ZC2HC1B: variants seen among roughly 807,000 people sequenced by gnomAD.
ZC2HC1B encodes zinc finger C2HC-type containing 1B.
In ZC2HC1B, 36 loss-of-function variants were observed where a neutral mutation model predicts 31.0. The ratio of observed to expected loss-of-function variants is 1.16; its 90% CI spans 0.89 to 1.54. ZC2HC1B has a LOEUF of 1.54. ZC2HC1B is among the 40% of genes most tolerant of loss of function. The pLI is 0.00. For missense variants in ZC2HC1B, 260 were observed against 268.6 expected, an observed-to-expected ratio of 0.97 and a Z score of 0.22; for synonymous variants, 73 against 88.0, an observed-to-expected ratio of 0.83 and a Z score of 0.95.
At chr6:143,925,536 C>CTTTTT (rs36007959) in intron 6 of ZC2HC1B, among the ~76,000 whole-genome samples, 29 of 104,904 alleles carry the variant, frequency 2.8e-4, no homozygotes, top group Non-Finnish European at 4.1e-4. Flanking sequence ...CTTTTCTTTT[C>CTTTTT]TTTTTTTTTT....
chr6:143,916,596 C>A (rs1777919287), intron 6 of ZC2HC1B, among the ~76,000 whole-genome samples: 1 of 152,232 alleles, frequency 6.6e-6, no homozygotes, highest in Non-Finnish European at 1.5e-5. Context: ...TCCTACAAAG[C>A]CCCAGGGGTG....
At position 143,886,031 on chromosome 6, in the gene ZC2HC1B, GGAAAGGCATGGACCAATATGTAA is replaced by G. The variant is rs1183698444; in HGVS notation, c.95_117del (p.Arg32ThrfsTer7). ...TCCAATCCCTACTCTTCGTTTTCTA[GGAAAGGCATGGACCAATATGTAA>G]GAAACTCTTCAACAGAAAGCGTAAA... On this transcript the variant is annotated frameshift_variant and splice_region_variant, in exon 3 of 8. Transcript: ENST00000237275. LOFTEE classifies it high-confidence loss of function. The surrounding 1 kb of genome is among the most constrained non-coding windows in gnomAD (Gnocchi z 4.2). The G allele has an allele frequency of 2.6e-6, 4 of 1,515,830 alleles. No homozygotes were observed. The East Asian group carries it at 1.0e-4, about 38-fold the overall frequency. The allele number at this position is 1,515,830 out of a possible 1,614,324, so 93.9% of individuals were successfully genotyped here.
At chr6:143,920,576 T>C (rs1009043295) in intron 6 of ZC2HC1B, among the ~76,000 whole-genome samples, 32 of 152,174 alleles carry the variant, frequency 2.1e-4, no homozygotes, top group African/African-American at 7.7e-4. Flanking sequence ...TGAGGATTTA[T>C]AAGTACTGTG....
At position 143,899,045 on chromosome 6, in the gene ZC2HC1B, G is replaced by A. The variant is rs776648697; in HGVS notation, c.489+354G>A. On this transcript the variant is annotated intron_variant, in intron 5 of 7. Transcript: ENST00000237275. This position sits in a 1 kb window ranked among gnomAD's most constrained non-coding sequence, Gnocchi z 5.0. Reference sequence around the variant, plus strand: ...ACCTGAAGTGAAACTGCCTGAGTGGGACAGGCTGTCCCAAGGCAACTGCCC... The same window carrying A: ...ACCTGAAGTGAAACTGCCTGAGTGGAACAGGCTGTCCCAAGGCAACTGCCC... Among the ~76,000 whole-genome samples the A allele has an allele frequency of 5.3e-5, 8 of 152,202 alleles. No individual in the cohort carries two copies. Among genetic ancestry groups the A allele is most frequent in the Non-Finnish European group, 1.2e-4 (8 of 68,038 alleles).
At position 143,909,487 on chromosome 6, in the gene ZC2HC1B, G is replaced by C. The variant is rs559759498; in HGVS notation, c.598+6335G>C. 2.0e-5 allele frequency among the ~76,000 whole-genome samples: 3 copies of C among 147,982 alleles called. No individual in the cohort carries two copies. The South Asian group carries it at 6.4e-4, about 31-fold the overall frequency. ...GTAGAAATAGTACCAGCTCTTCTTT[G>C]TACCTTTAGTTGAATTCATCTGTGA... On this transcript the variant is annotated intron_variant, in intron 6 of 7. Transcript: ENST00000237275.
Position 143,886,235 on chromosome 6 carries a change from TG to T in ZC2HC1B, c.210+85del. On this transcript the variant is annotated intron_variant, in intron 3 of 7. Coordinates refer to ENST00000237275, the MANE Select transcript of ZC2HC1B (RefSeq NM_001013623.3). The surrounding 1 kb of genome is among the most constrained non-coding windows in gnomAD (Gnocchi z 4.2). The stretch of plus-strand genomic sequence containing the variant: ...TTTCTGGGATTTCTGGTTTCATTTT[TG>T]CTTGATAATACAGTAATGTAATGTA... 1 of 1,345,676 alleles carries T rather than the reference TG, an allele frequency of 7.4e-7. No individual in the cohort carries two copies. The highest frequency in any genetic ancestry group is 9.6e-7 in the Non-Finnish European group (1 of 1,041,894). 83.4% of individuals were successfully genotyped at this position (1,345,676 alleles called of 1,614,324 possible). A position where few individuals can be genotyped will look rare whatever the true frequency, so the allele number is the denominator to read the frequency against.
intron 1 of ZC2HC1B, among the ~76,000 whole-genome samples, chr6:143,879,749 C>T (rs185685913): frequency 6.6e-6 from 1 of 150,718 alleles, no homozygotes; most frequent in East Asian, 1.9e-4. Flanking sequence ...TTAATCTAAC[C>T]CTAATTCTCT....
In ZC2HC1B at chr6:143,905,666, A is replaced by G. The variant is rs1777784019; in HGVS notation, c.598+2514A>G. 6.6e-6 allele frequency among the ~76,000 whole-genome samples: 1 copy of G among 152,106 alleles called. No individual in the cohort carries two copies. On this transcript the variant is annotated intron_variant, in intron 6 of 7. Coordinates refer to ENST00000237275, the MANE Select transcript of ZC2HC1B (RefSeq NM_001013623.3). The surrounding 1 kb of genome is among the most constrained non-coding windows in gnomAD (Gnocchi z 4.2). ...GAGGGAAAGTTTTCAGTCTTTCAGC[A>G]TTGAGTATGGTGATCTCTGTGGGTT...
intron 6 of ZC2HC1B, among the ~76,000 whole-genome samples, chr6:143,925,672 G>T (rs2128497345): frequency 6.6e-6 from 1 of 152,014 alleles, no homozygotes; most frequent in East Asian, 1.9e-4. Flanking sequence ...GAGTAGCTGG[G>T]ATTATAGGCA....
rs1179507041 is a variant in ZC2HC1B at position 143,869,585 on chromosome 6, T to G, written c.28+5018T>G. Among the ~76,000 whole-genome samples the G allele has an allele frequency of 6.6e-6, 1 of 152,246 alleles. No individual in the cohort carries two copies. The highest frequency in any genetic ancestry group is 1.5e-5 in the Non-Finnish European group (1 of 68,036). On this transcript the variant is annotated intron_variant, in intron 1 of 7. Coordinates refer to ENST00000237275, the MANE Select transcript of ZC2HC1B (RefSeq NM_001013623.3). This position sits in a 1 kb window ranked among gnomAD's most constrained non-coding sequence, Gnocchi z 5.2. ...TGGTAGTCTTGGCAGAAGCATTGCA[T>G]GGAGGATAGGCAAACCCATATCCAG...
At position 143,917,092 on chromosome 6, in the gene ZC2HC1B, A is replaced by T. The variant is rs1165498167; in HGVS notation, c.598+13940A>T. 4.6e-5 allele frequency among the ~76,000 whole-genome samples: 7 copies of T among 152,206 alleles called. No homozygotes were observed. Among genetic ancestry groups the T allele is most frequent in the Admixed American group, 4.6e-4 (7 of 15,282 alleles). ...GGACCCAGTGGGAGGTAACTGAATC[A>T]TGGGGGCAAGTCTTTCCTGTGCTAT... is the stretch of plus-strand genomic sequence containing the variant. On this transcript the variant is annotated intron_variant, in intron 6 of 7. Transcript: ENST00000237275. The surrounding 1 kb of genome is among the most constrained non-coding windows in gnomAD (Gnocchi z 4.1).
At chr6:143,873,539 C>G (rs748806707) in intron 1 of ZC2HC1B, among the ~76,000 whole-genome samples, 1 of 152,258 alleles carries the variant, frequency 6.6e-6, no homozygotes, top group Non-Finnish European at 1.5e-5. Context: ...GACCCCACCC[C>G]TGCAGCAAAC....
rs114334020 is a variant in ZC2HC1B, at chr6:143,913,422, G to A, written c.598+10270G>A. ...CTCCATCCTGTCTCAGGCAGGCTCC[G>A]CCCTGTTGCTGATGGCTTACTGGAA... On this transcript the variant is annotated intron_variant, in intron 6 of 7. Coordinates refer to ENST00000237275, the MANE Select transcript of ZC2HC1B (RefSeq NM_001013623.3). This position sits in a 1 kb window ranked among gnomAD's most constrained non-coding sequence, Gnocchi z 5.7. Among the ~76,000 whole-genome samples, 1,033 of 152,304 alleles carry A rather than the reference G, an allele frequency of 6.8e-3. 10 individuals carry two copies. The highest frequency in any genetic ancestry group is 0.024 in the African/African-American group (991 of 41,564).
rs942478934 is a variant in ZC2HC1B, at chr6:143,887,597, T to C, written c.349+776T>C. On this transcript the variant is annotated intron_variant, in intron 4 of 7. Transcript: ENST00000237275. The surrounding 1 kb of genome is among the most constrained non-coding windows in gnomAD (Gnocchi z 5.1). ...CAATCACAGTTTACATATTACCTTT[T>C]GTTATCTCTTCGGTCTTTATTAAAT... 6.6e-6 allele frequency among the ~76,000 whole-genome samples: 1 copy of C among 152,158 alleles called. No individual in the cohort carries two copies. Among genetic ancestry groups the C allele is most frequent in the Non-Finnish European group, 1.5e-5 (1 of 68,030 alleles).
At chr6:143,901,934 A>T (rs937157903) in intron 5 of ZC2HC1B, among the ~76,000 whole-genome samples, 1 of 152,180 alleles carries the variant, frequency 6.6e-6, no homozygotes, top group African/African-American at 2.4e-5. Flanking sequence ...GGTTCTTCTT[A>T]CTGGTCTCCA....
Position 143,870,518 on chromosome 6 carries a change from A to G in ZC2HC1B, c.28+5951A>G, listed in dbSNP as rs567700215. 1.6e-4 allele frequency among the ~76,000 whole-genome samples: 25 copies of G among 152,044 alleles called. No individual in the cohort carries two copies. Among genetic ancestry groups the G allele is most frequent in the Non-Finnish European group, 3.2e-4 (22 of 67,992 alleles). The stretch of plus-strand genomic sequence containing the variant: ...TGCCTTTAGGACCTGCTTGAGTCCA[A>G]TCATGTATATACACTTCCATTTGAT... On this transcript the variant is annotated intron_variant, in intron 1 of 7. Coordinates refer to ENST00000237275, the MANE Select transcript of ZC2HC1B (RefSeq NM_001013623.3). The surrounding 1 kb of genome is among the most constrained non-coding windows in gnomAD (Gnocchi z 4.7).
intron 5 of ZC2HC1B, among the ~76,000 whole-genome samples, chr6:143,901,479 C>G (rs1011617342): frequency 6.6e-6 from 1 of 151,694 alleles, no homozygotes; most frequent in Non-Finnish European, 1.5e-5. Context: ...AGGCTGGTCT[C>G]GAACTCCTGA....
chr6:143,935,164 G>A lies in ZC2HC1B; in HGVS notation c.599-2485G>A, dbSNP rs570867560. ...GTGGTGGGTCAATCTCCAAGTCCAT[G>A]GATGATGTATGCAGGTACCAATAGG... On this transcript the variant is annotated intron_variant, in intron 6 of 7. Coordinates refer to ENST00000237275, the MANE Select transcript of ZC2HC1B (RefSeq NM_001013623.3). Among the ~76,000 whole-genome samples, 4 of 148,340 alleles carry A rather than the reference G, an allele frequency of 2.7e-5. No homozygotes were observed. The South Asian group carries it at 8.7e-4, about 32-fold the overall frequency.
intron 1 of ZC2HC1B, among the ~76,000 whole-genome samples, chr6:143,867,005 T>G (rs887089503): frequency 3.9e-5 from 6 of 152,210 alleles, no homozygotes; most frequent in Non-Finnish European, 7.4e-5. Flanking sequence ...AGACAACAAA[T>G]AGAAAATACC....
Sources: gnomAD v4.1 joint callset for allele counts (sites outside exome capture counted in the v4.1 genomes callset) on GRCh38, gnomAD v4.1.1 for gene constraint, Gnocchi (gnomAD v3.1) non-coding constraint, MANE v1.5 for transcripts, NCBI Gene and HGNC (gene_info 2026-07-23, HGNC 2026-07-21) for gene names.